Variants in DIAPH2 observed in about 807,000 individuals in gnomAD.
DIAPH2 encodes the protein diaphanous related formin 2, also known as protein diaphanous homolog 2.
Under a neutral mutation model 92.7 loss-of-function variants are expected in DIAPH2, and 35 were observed. That is an observed-to-expected ratio of 0.38 (90% CI 0.29 to 0.50). DIAPH2 has a LOEUF of 0.50. Ranked by LOEUF, DIAPH2 falls within the 20% of genes least tolerant of loss-of-function variation. DIAPH2 has a pLI of 0.94. For synonymous variants in DIAPH2, 301 were observed against 280.4 expected (o/e 1.07, Z -0.73); for missense variants, 701 against 819.5 (o/e 0.86, Z 1.77).
chrX:97,190,833 C>CAAAA (rs34703572), intron 22 of DIAPH2, among the ~76,000 whole-genome samples: 13 of 72,809 alleles, frequency 1.8e-4, no homozygotes, highest in African/African-American at 6.6e-4. Context: ...GACTCCATTT[C>CAAAA]AAAAAAAAAA....
chrX:97,049,557 G>T (rs1235124049), intron 17 of DIAPH2, among the ~76,000 whole-genome samples: 1 of 111,069 alleles, frequency 9.0e-6, no homozygotes, highest in Non-Finnish European at 1.9e-5. Flanking sequence ...TTTACTCAAG[G>T]TGTGGTAGTT....
At position 97,297,678 on chromosome X, in the gene DIAPH2, T is replaced by G. The variant is rs746582244; in HGVS notation, c.2844+49839T>G. 2.8e-5 allele frequency among the ~76,000 whole-genome samples: 3 copies of G among 107,436 alleles called. No individual in the cohort carries two copies. The East Asian group carries it at 8.8e-4, about 31-fold the overall frequency. 93.3% of individuals were successfully genotyped at this position (107,436 alleles called of 115,157 possible). A position where few individuals can be genotyped will look rare whatever the true frequency, so the allele number is the denominator to read the frequency against. ...GAGAAAATTGCTATGGTTCTACTGG[T>G]TTGGATAAATGGGACAGGTGCCAAC... On this transcript the variant is annotated intron_variant, in intron 23 of 26. Transcript: ENST00000324765.
chrX:96,924,383 G>T lies in DIAPH2; in HGVS notation c.978+5766G>T, dbSNP rs745788889. 6.7e-4 allele frequency among the ~76,000 whole-genome samples: 75 copies of T among 111,463 alleles called. 1 individual carries two copies. Among genetic ancestry groups the T allele is most frequent in the Admixed American group, 1.1e-3 (11 of 10,474 alleles). On this transcript the variant is annotated intron_variant, in intron 9 of 26. Transcript: ENST00000324765. ...AAAACTAACTTCTGACTTAAAGAAGGATGCCTTTATTTTAAATCTGTTTCA... is the reference window on the plus strand; with the variant it reads ...AAAACTAACTTCTGACTTAAAGAAGTATGCCTTTATTTTAAATCTGTTTCA...
chrX:96,891,581 A>G (rs943456093), intron 5 of DIAPH2, among the ~76,000 whole-genome samples: 3 of 112,217 alleles, frequency 2.7e-5, no homozygotes, highest in African/African-American at 6.5e-5. Context: ...GTATTTGGCA[A>G]TACATTTTAT....
chrX:97,175,771 C>A (rs761169275), intron 22 of DIAPH2, among the ~76,000 whole-genome samples: 2 of 112,212 alleles, frequency 1.8e-5, no homozygotes, highest in Admixed American at 9.5e-5. Flanking sequence ...GCTACTTGCT[C>A]TGGTAAATTC....
intron 3 of DIAPH2, among the ~76,000 whole-genome samples, chrX:96,753,927 C>T (rs2064208863): frequency 8.9e-6 from 1 of 111,737 alleles, no homozygotes; most frequent in African/African-American, 3.3e-5. Flanking sequence ...TCGTGGCCTG[C>T]TTCCTCACAT....
At chrX:97,124,780 T>G (rs2067080653) in intron 21 of DIAPH2, among the ~76,000 whole-genome samples, 1 of 111,912 alleles carries the variant, frequency 8.9e-6, no homozygotes, top group Non-Finnish European at 1.9e-5. Flanking sequence ...GTCTGCCTCC[T>G]AGATATCTAG....
chrX:97,302,075 T>C (rs998610529), intron 23 of DIAPH2, among the ~76,000 whole-genome samples: 5 of 107,591 alleles, frequency 4.6e-5, no homozygotes, highest in African/African-American at 1.7e-4. Context: ...TAGCTAGGCA[T>C]GGTGGTGCGT....
chrX:97,248,904 A>G (rs1039614138), intron 23 of DIAPH2, among the ~76,000 whole-genome samples: 1 of 111,764 alleles, frequency 8.9e-6, no homozygotes, highest in Non-Finnish European at 1.9e-5. Context: ...TGTGTTTTGT[A>G]TGGTACTTTA....
chrX:97,322,024 A>G (rs951876723), intron 23 of DIAPH2, among the ~76,000 whole-genome samples: 17 of 112,720 alleles, frequency 1.5e-4, no homozygotes, highest in African/African-American at 5.5e-4. Context: ...TATTTTTATT[A>G]AAGTATTTGG....
intron 4 of DIAPH2, among the ~76,000 whole-genome samples, chrX:96,775,109 G>C (rs2064367277): frequency 9.0e-6 from 1 of 110,828 alleles, no homozygotes; most frequent in Non-Finnish European, 1.9e-5. Flanking sequence ...TTGCCTCTTG[G>C]TAAGTTTTCT....
At chrX:96,818,731 T>C (rs1368893256) in intron 4 of DIAPH2, among the ~76,000 whole-genome samples, 3 of 112,297 alleles carry the variant, frequency 2.7e-5, no homozygotes, top group African/African-American at 9.7e-5. Flanking sequence ...TTGTTATTTG[T>C]TTTTGTGATT....
At chrX:97,333,117 C>T (rs771312132) in intron 23 of DIAPH2, among the ~76,000 whole-genome samples, 4 of 111,745 alleles carry the variant, frequency 3.6e-5, no homozygotes, top group African/African-American at 6.5e-5. Flanking sequence ...CAAGCATATT[C>T]GGACTAAAGG....
At position 97,599,373 on chromosome X, in the gene DIAPH2, GAGA is replaced by G. The variant is rs2071577634; in HGVS notation, c.*61_*63del. The G allele has an allele frequency of 2.2e-6, 2 of 898,534 alleles. No homozygotes were observed. Among genetic ancestry groups the G allele is most frequent in the Admixed American group, 2.6e-5 (1 of 38,197 alleles). 74.0% of individuals were successfully genotyped at this position (898,534 alleles called of 1,213,427 possible). On this transcript the variant is annotated 3_prime_UTR_variant, in exon 27 of 27. Coordinates refer to ENST00000324765, the MANE Select transcript of DIAPH2 (RefSeq NM_006729.5). ...AAGTAAAAACAAAATGATGCATTTT[GAGA>G]AGAACAAAGTGTGCACTCAGCGGCT... is the stretch of plus-strand genomic sequence containing the variant.
At chrX:97,466,098 A>C (rs887167920) in intron 26 of DIAPH2, among the ~76,000 whole-genome samples, 4 of 112,125 alleles carry the variant, frequency 3.6e-5, no homozygotes, top group Non-Finnish European at 7.5e-5. Context: ...ACCAAACTTT[A>C]GTATTACCCA....
chrX:97,245,124 T>A (rs1249786649), intron 22 of DIAPH2, among the ~76,000 whole-genome samples: 13 of 109,146 alleles, frequency 1.2e-4, no homozygotes, highest in Admixed American at 1.2e-3. Context: ...TTTTGTTTGT[T>A]TGTTTGCTTT....
intron 15 of DIAPH2, among the ~76,000 whole-genome samples, chrX:96,956,554 C>T (rs778060990): frequency 8.9e-6 from 1 of 112,036 alleles, no homozygotes; most frequent in South Asian, 3.8e-4. Context: ...TTTATGCTCT[C>T]TTCCTCTTGA....
At chrX:96,803,307 T>A (rs903587516) in intron 4 of DIAPH2, among the ~76,000 whole-genome samples, 1 of 111,870 alleles carries the variant, frequency 8.9e-6, no homozygotes, top group Non-Finnish European at 1.9e-5. Flanking sequence ...TAACTTAGAT[T>A]ATACATAATA....
intron 19 of DIAPH2, among the ~76,000 whole-genome samples, chrX:97,091,057 A>C (rs1383054493): frequency 1.8e-5 from 2 of 109,949 alleles, no homozygotes; most frequent in Admixed American, 9.7e-5. Flanking sequence ...CCCAGGCTGG[A>C]GTGCAGTGGC....
Sources: allele counts gnomAD v4.1 joint callset (sites outside exome capture counted in the v4.1 genomes callset), GRCh38; gene constraint gnomAD v4.1.1; transcripts MANE v1.5; gene names NCBI Gene and HGNC (gene_info 2026-07-23, HGNC 2026-07-21).